Variants in PPARGC1B observed in about 807,000 individuals in gnomAD.
PPARGC1B encodes the protein peroxisome proliferator-activated receptor gamma coactivator 1-beta.
In PPARGC1B, 34 loss-of-function variants were observed where a neutral mutation model predicts 101.6. The observed-to-expected ratio is 0.33, with a 90% confidence interval of 0.25 to 0.45. The LOEUF is 0.45. Ranked by LOEUF, PPARGC1B falls within the 20% of genes least tolerant of loss-of-function variation. The probability of loss-of-function intolerance (pLI) is 1.00; values close to 1 mark genes in which losing one functional copy is unlikely to be tolerated. For missense variants in PPARGC1B, 1,234 were observed against 1,317.6 expected, an observed-to-expected ratio of 0.94 and a Z score of 0.98; for synonymous variants, 548 against 539.3, an observed-to-expected ratio of 1.02 and a Z score of -0.22.
intron 1 of PPARGC1B, among the ~76,000 whole-genome samples, chr5:149,763,079 C>G (rs1016823557): frequency 6.6e-6 from 1 of 152,178 alleles, no homozygotes; most frequent in African/African-American, 2.4e-5. Context: ...GCCACTGTGC[C>G]TGGCTCACCA....
At chr5:149,839,755 G>A (rs749186176) in intron 8 of PPARGC1B, among the ~76,000 whole-genome samples, 11 of 152,176 alleles carry the variant, frequency 7.2e-5, no homozygotes, top group Non-Finnish European at 1.3e-4. Context: ...ATGGCATAGA[G>A]AGGCAAGGCT....
rs770692645 is a variant in PPARGC1B at position 149,826,737 on chromosome 5, A to G, written c.317A>G (p.Asp106Gly). The change falls in exon 3 of 12, where the codon GAT becomes GGT. Residue 106 changes from aspartate (D) to glycine (G), a missense_variant. Asp to Gly is a moderately conservative substitution (Grantham distance 94, BLOSUM62 -1). Transcript: ENST00000309241. ...LTKTLDDIPE[D>G]DVGLAAFPAL... is the part of the protein sequence containing the mutation. ...AAGACCCTGGATGACATCCCTGAAG[A>G]TGACGTGGGTCTGGCTGCCTTCCCA... The G allele has an allele frequency of 5.0e-6, 8 of 1,613,806 alleles. No homozygotes were observed. The highest frequency in any genetic ancestry group is 5.9e-6 in the Non-Finnish European group (7 of 1,179,986).
chr5:149,750,015 T>C, intron 1 of PPARGC1B, among the ~76,000 whole-genome samples: 1 of 152,136 alleles, frequency 6.6e-6, no homozygotes, highest in African/African-American at 2.4e-5. Context: ...CTGCACCCAG[T>C]GGGTAATGTC....
In PPARGC1B at chr5:149,730,696, T is replaced by G. The variant is rs1754421606; in HGVS notation, c.78+276T>G. Among the ~76,000 whole-genome samples, 2 of 152,046 alleles carry G rather than the reference T, an allele frequency of 1.3e-5. No homozygotes were observed. The highest frequency in any genetic ancestry group is 1.3e-4 in the Admixed American group (2 of 15,288). ...GAGTCTGCCACCCCGCGGGCAAAACTGGGGGGTACCGCGCTTCCTTTGGGA... is the reference window on the plus strand; with the variant it reads ...GAGTCTGCCACCCCGCGGGCAAAACGGGGGGGTACCGCGCTTCCTTTGGGA... On this transcript the variant is annotated intron_variant, in intron 1 of 11. Transcript: ENST00000309241. The surrounding 1 kb of genome is among the most constrained non-coding windows in gnomAD (Gnocchi z 4.0).
chr5:149,786,162 C>T (rs1413733738), intron 1 of PPARGC1B, among the ~76,000 whole-genome samples: 8 of 151,796 alleles, frequency 5.3e-5, no homozygotes, highest in South Asian at 2.1e-4. Context: ...GCTCGATCTC[C>T]GCTCACTGCA....
At chr5:149,768,268 G>T (rs1306273393) in intron 1 of PPARGC1B, among the ~76,000 whole-genome samples, 3 of 152,094 alleles carry the variant, frequency 2.0e-5, no homozygotes, top group Non-Finnish European at 4.4e-5. Context: ...ATTGGCACTT[G>T]CCACTCAGCG....
rs189079227 is a variant in PPARGC1B at position 149,847,004 on chromosome 5, G to C, written c.2972-454G>C. ...GGAGGCTGAGGCGGGAGAATCACTT[G>C]AACCCGAGAGGCAGAGGTTGCAGTG... On this transcript the variant is annotated intron_variant, in intron 11 of 11. Coordinates refer to ENST00000309241, the MANE Select transcript of PPARGC1B (RefSeq NM_133263.4). 464 of 213,730 alleles carry C rather than the reference G, an allele frequency of 2.2e-3. 10 individuals carry two copies. In the East Asian group the frequency reaches 0.041, roughly 19 times the overall value. 13.2% of individuals were successfully genotyped at this position (213,730 alleles called of 1,614,324 possible). A position where few individuals can be genotyped will look rare whatever the true frequency, so the allele number is the denominator to read the frequency against.
At chr5:149,758,907 T>C (rs1470560565) in intron 1 of PPARGC1B, among the ~76,000 whole-genome samples, 3 of 152,204 alleles carry the variant, frequency 2.0e-5, no homozygotes, top group Non-Finnish European at 4.4e-5. Flanking sequence ...TATAATCATA[T>C]CTTTTCCTGC....
chr5:149,795,328 A>G (rs1490638030), intron 1 of PPARGC1B, among the ~76,000 whole-genome samples: 1 of 152,144 alleles, frequency 6.6e-6, no homozygotes, highest in East Asian at 1.9e-4. Context: ...TGTAAAATGG[A>G]GATAAAAAGG....
At chr5:149,856,920 G>A (rs1330080768), downstream of PPARGC1B, among the ~76,000 whole-genome samples, 7 of 151,920 alleles carry the variant, frequency 4.6e-5, no homozygotes, top group East Asian at 1.9e-4. Context: ...ACAGGCACCC[G>A]CCACCACACC....
In PPARGC1B at chr5:149,847,866, C is replaced by T. The variant is rs550709051; in HGVS notation, c.*308C>T. 22 of 384,978 alleles carry T rather than the reference C, an allele frequency of 5.7e-5. 1 individual carries two copies. Among genetic ancestry groups the T allele is most frequent in the East Asian group, 1.8e-4 (4 of 22,306 alleles). The allele number at this position is 384,978 out of a possible 1,614,324, so 23.8% of individuals were successfully genotyped here. On this transcript the variant is annotated 3_prime_UTR_variant, in exon 12 of 12. Transcript: ENST00000309241. ...CCGTCACCCATCGCCCCTTCCTTCC[C>T]GACTGACTTCCTCTCGTAGACTTGC...
chr5:149,750,138 A>G (rs1454871921), intron 1 of PPARGC1B, among the ~76,000 whole-genome samples: 1 of 152,080 alleles, frequency 6.6e-6, no homozygotes, highest in African/African-American at 2.4e-5. Context: ...CATGTGCCTT[A>G]AACGAGTGGG....
chr5:149,835,965 T>C (rs949142872), intron 7 of PPARGC1B, among the ~76,000 whole-genome samples: 4 of 151,110 alleles, frequency 2.6e-5, no homozygotes, highest in Non-Finnish European at 4.4e-5. Context: ...TTTCTTTTTT[T>C]TTTTTTTTTT....
chr5:149,848,907 C>T lies in PPARGC1B; in HGVS notation c.*1349C>T, dbSNP rs1411446491. 1 of 152,162 alleles carries T rather than the reference C, an allele frequency of 6.6e-6. No individual in the cohort carries two copies. Among genetic ancestry groups the T allele is most frequent in the Non-Finnish European group, 1.5e-5 (1 of 68,026 alleles). The allele number at this position is 152,162 out of a possible 1,614,324, so 9.4% of individuals were successfully genotyped here. A position where few individuals can be genotyped will look rare whatever the true frequency, so the allele number is the denominator to read the frequency against. ...TAGATAGGACAATCTCCTAGCTCTC[C>T]TCCAATTGAGAAAACACTCCAATTG... is the stretch of plus-strand genomic sequence containing the variant. On this transcript the variant is annotated 3_prime_UTR_variant, in exon 12 of 12. Transcript: ENST00000309241.
intron 1 of PPARGC1B, among the ~76,000 whole-genome samples, chr5:149,756,161 A>G (rs913662678): frequency 6.6e-6 from 1 of 152,144 alleles, no homozygotes; most frequent in Non-Finnish European, 1.5e-5. Flanking sequence ...CTTAATAAAT[A>G]TGCTATTTAA....
chr5:149,732,647 G>A (rs1282569578), intron 1 of PPARGC1B, among the ~76,000 whole-genome samples: 3 of 152,214 alleles, frequency 2.0e-5, no homozygotes, highest in Non-Finnish European at 4.4e-5. Context: ...GGCCCAACTT[G>A]GGAAATGTAA....
chr5:149,829,273 C>T (rs930436383), intron 3 of PPARGC1B, among the ~76,000 whole-genome samples: 1 of 152,134 alleles, frequency 6.6e-6, no homozygotes, highest in African/African-American at 2.4e-5. Context: ...CTCATTACAC[C>T]AATGGAGGAA....
At chr5:149,802,598 G>A (rs570060855) in intron 1 of PPARGC1B, among the ~76,000 whole-genome samples, 6 of 151,028 alleles carry the variant, frequency 4.0e-5, no homozygotes, top group East Asian at 3.9e-4. Flanking sequence ...GTTACCTGCC[G>A]GGCTCTGGGC....
chr5:149,733,864 T>A (rs1032160568), intron 1 of PPARGC1B, among the ~76,000 whole-genome samples: 17 of 152,210 alleles, frequency 1.1e-4, no homozygotes, highest in Non-Finnish European at 2.1e-4. Flanking sequence ...TCATCAGTTC[T>A]AACAACTTAT....
Sources: allele counts gnomAD v4.1 joint callset (sites outside exome capture counted in the v4.1 genomes callset), GRCh38; gene constraint gnomAD v4.1.1; non-coding constraint Gnocchi (gnomAD v3.1); transcripts MANE v1.5; gene names NCBI Gene and HGNC (gene_info 2026-07-23, HGNC 2026-07-21).